Variants in OSBP observed in about 807,000 individuals in gnomAD.
The protein encoded by OSBP is oxysterol binding protein.
Under a neutral mutation model 96.6 loss-of-function variants are expected in OSBP, and 32 were observed. The observed-to-expected ratio is 0.33, with a 90% CI of 0.25 to 0.45. OSBP has a LOEUF of 0.45. Ranked by LOEUF, OSBP falls within the 20% of genes least tolerant of loss-of-function variation. OSBP has a pLI of 1.00. For synonymous variants in OSBP, 369 were observed against 389.6 expected (o/e 0.95, Z 0.62); for missense variants, 653 against 1,029.7 (o/e 0.63, Z 5.01).
chr11:59,589,276 C>T lies in OSBP; in HGVS notation c.1678+4328G>A, dbSNP rs1192925123. On this transcript the variant is annotated intron_variant, in intron 9 of 13. Transcript: ENST00000263847. ...GTGTTGGGATTACAGGCATGAGCCA[C>T]TGCATCTGTGCCAATAGTCTTAATT... 2.0e-5 allele frequency among the ~76,000 whole-genome samples: 3 copies of T among 151,042 alleles called. No homozygotes were observed. The East Asian group carries it at 6.0e-4, about 30-fold the overall frequency.
chr11:59,600,897 G>T (rs1243111680), intron 5 of OSBP, 24 bp from the exon 6 acceptor site: 1 of 1,604,728 alleles, frequency 6.2e-7, no homozygotes, highest in African/African-American at 1.3e-5. Context: ...AAACACAGGA[G>T]AATTAGAACA....
In OSBP at chr11:59,575,216, GAA is replaced by G. The variant is rs900956642; in HGVS notation, c.*1359_*1360del. The G allele has an allele frequency of 1.4e-4, 21 of 152,310 alleles. No individual in the cohort carries two copies. Among genetic ancestry groups the G allele is most frequent in the African/African-American group, 4.3e-4 (18 of 41,558 alleles). The allele number at this position is 152,310 out of a possible 1,614,324, so 9.4% of individuals were successfully genotyped here. On this transcript the variant is annotated 3_prime_UTR_variant, in exon 14 of 14. Transcript: ENST00000263847. ...CGGACTTTCTACCCACACTCTTCCT[GAA>G]AAGAGAAAGAAAAGAGGCAGGAAAG...
At chr11:59,602,179 T>G (rs1860732629) in intron 3 of OSBP, among the ~76,000 whole-genome samples, 2 of 152,172 alleles carry the variant, frequency 1.3e-5, no homozygotes, top group Admixed American at 6.5e-5. Flanking sequence ...AACTGCTGAC[T>G]GAAAGAAGGA....
chr11:59,580,558 A>G (rs1399136478), intron 10 of OSBP, among the ~76,000 whole-genome samples: 1 of 152,204 alleles, frequency 6.6e-6, no homozygotes, highest in Non-Finnish European at 1.5e-5. Flanking sequence ...TACCTTTCCA[A>G]ACCAATCCCT....
chr11:59,585,387 A>AT (rs1554979540), intron 9 of OSBP, among the ~76,000 whole-genome samples: 1 of 144,326 alleles, frequency 6.9e-6, no homozygotes, highest in Non-Finnish European at 1.5e-5. Flanking sequence ...AAGTGAGGAG[A>AT]CCTCGCCCGG....
At position 59,615,543 on chromosome 11, in the gene OSBP, G is replaced by C; in HGVS notation, c.122C>G (p.Pro41Arg). The change falls in exon 1 of 14, where the codon CCA (proline) becomes CGA (arginine). Residue 41 changes from proline to arginine, a missense_variant. Physicochemically the swap from Pro to Arg is moderately radical, Grantham distance 103. Around this residue, in one of 6 missense-constraint regions of OSBP, gnomAD observed 151 missense variants for 146.1 expected, o/e 1.03. Transcript: ENST00000263847. ...GGGGGRGDAGPGSGAASGTVV... is the reference protein window; with the variant it reads ...GGGGGRGDAGRGSGAASGTVV... ...CGTCCCTGACGCGGCCCCGGAGCCT[G>C]GCCCCGCATCTCCGCGGCCGCCGCC... is the stretch of plus-strand genomic sequence containing the variant. 1 of 1,344,496 alleles carries C rather than the reference G, an allele frequency of 7.4e-7. No individual in the cohort carries two copies. The highest frequency in any genetic ancestry group is 9.6e-7 in the Non-Finnish European group (1 of 1,043,434). 83.3% of individuals were successfully genotyped at this position (1,344,496 alleles called of 1,614,324 possible). A position where few individuals can be genotyped will look rare whatever the true frequency, so the allele number is the denominator to read the frequency against.
intron 9 of OSBP, among the ~76,000 whole-genome samples, chr11:59,592,083 C>T (rs148563306): frequency 7.7e-4 from 117 of 152,306 alleles, no homozygotes; most frequent in African/African-American, 2.4e-3. Flanking sequence ...CATCACATTG[C>T]AATACGGCCA....
chr11:59,584,497 G>C (rs1860469329), intron 9 of OSBP, among the ~76,000 whole-genome samples: 1 of 152,088 alleles, frequency 6.6e-6, no homozygotes, highest in Non-Finnish European at 1.5e-5. Context: ...CATAAAAACT[G>C]GTAAATGCAA....
chr11:59,605,615 A>T (rs1281155754), intron 3 of OSBP, among the ~76,000 whole-genome samples: 2 of 151,962 alleles, frequency 1.3e-5, no homozygotes, highest in Non-Finnish European at 2.9e-5. Flanking sequence ...CGAACTCCTG[A>T]CCTCAGGTGA....
chr11:59,600,456 AG>A (rs1268414463), intron 7 of OSBP, 39 bp downstream of exon 7: 1 of 1,607,224 alleles, frequency 6.2e-7, no homozygotes, highest in East Asian at 2.2e-5. Flanking sequence ...GAGGCTTGAG[AG>A]GAACTCCTGG....
chr11:59,576,075 T>G lies in OSBP; in HGVS notation c.*502A>C, dbSNP rs922844339. The stretch of plus-strand genomic sequence containing the variant: ...CCCCGCGTGTGAACACACTTGATGA[T>G]GTTATACCTAAGCTCCACTGCAACC... On this transcript the variant is annotated 3_prime_UTR_variant, in exon 14 of 14. Coordinates refer to ENST00000263847, the MANE Select transcript of OSBP (RefSeq NM_002556.3). 6.4e-6 allele frequency: 1 copy of G among 156,710 alleles called. No individual in the cohort carries two copies. The highest frequency in any genetic ancestry group is 2.4e-5 in the African/African-American group (1 of 41,488). The allele number at this position is 156,710 out of a possible 1,614,324, so 9.7% of individuals were successfully genotyped here.
chr11:59,584,012 C>T (rs531644560), intron 9 of OSBP, among the ~76,000 whole-genome samples: 95 of 144,706 alleles, frequency 6.6e-4, no homozygotes, highest in Admixed American at 1.8e-3. Flanking sequence ...ATGGTGCAAT[C>T]GTAGTTCACT....
At chr11:59,593,465 C>A in intron 9 of OSBP, 139 bp downstream of exon 9, 3 of 880,080 alleles carry the variant, frequency 3.4e-6, no homozygotes, top group East Asian at 2.5e-5. Flanking sequence ...AGTTAAATAC[C>A]TGCCCAAAGC....
chr11:59,600,981 T>C, intron 5 of OSBP, 108 bp from the exon 6 acceptor site: 2 of 853,640 alleles, frequency 2.3e-6, no homozygotes, highest in South Asian at 3.0e-5. Context: ...ATAAACTTAT[T>C]GATGGGTGAT....
At chr11:59,608,126 A>ATACATAC (rs1565121062) in intron 3 of OSBP, among the ~76,000 whole-genome samples, 1 of 150,956 alleles carries the variant, frequency 6.6e-6, no homozygotes, top group African/African-American at 2.4e-5. Context: ...AAAATAAATA[A>ATACATAC]ATACATACAT....
At chr11:59,603,163 A>C (rs1197889725) in intron 3 of OSBP, among the ~76,000 whole-genome samples, 4 of 152,190 alleles carry the variant, frequency 2.6e-5, no homozygotes, top group Non-Finnish European at 2.9e-5. Context: ...CTGATTTTCT[A>C]TCTCTCCAGA....
intron 8 of OSBP, 111 bp downstream of exon 8, chr11:59,593,899 G>A: frequency 2.8e-6 from 4 of 1,453,214 alleles, no homozygotes; most frequent in Non-Finnish European, 3.7e-6. Context: ...AAGAATAAAA[G>A]CTGGGATGAC....
chr11:59,601,191 T>C (rs1020660075), intron 5 of OSBP, 92 bp downstream of exon 5: 1 of 759,486 alleles, frequency 1.3e-6, no homozygotes, highest in Non-Finnish European at 2.2e-6. Flanking sequence ...GAAATGTTTT[T>C]AACCTTTTGA....
intron 9 of OSBP, among the ~76,000 whole-genome samples, chr11:59,584,441 C>G (rs1860468807): frequency 6.6e-6 from 1 of 152,118 alleles, no homozygotes; most frequent in South Asian, 2.1e-4. Flanking sequence ...GATTATACAC[C>G]ATGACCAGGT....
Sources: gnomAD v4.1 joint callset for allele counts (sites outside exome capture counted in the v4.1 genomes callset) on GRCh38, gnomAD v4.1.1 for gene constraint, gnomAD v4.1.1 regional missense constraint, MANE v1.5 for transcripts, NCBI Gene and HGNC (gene_info 2026-07-23, HGNC 2026-07-21) for gene names.